The following TM9SF1 variants were observed in gnomAD, a reference collection of about 807,000 sequenced individuals.
TM9SF1 encodes MP70 protein family member.
Under a neutral mutation model 52.4 loss-of-function variants are expected in TM9SF1, and 25 were observed. The observed-to-expected ratio is 0.48, with a 90% CI of 0.35 to 0.67. TM9SF1 has a LOEUF of 0.67. Among genes scored for constraint, TM9SF1 ranks in the 30% least tolerant of loss-of-function variants. The pLI, the probability that TM9SF1 is intolerant of heterozygous loss-of-function variation, is 0.01. For missense variants in TM9SF1, 604 were observed against 780.3 expected (o/e 0.77, Z 2.69); for synonymous variants, 284 against 299.8 (o/e 0.95, Z 0.55).
Position 24,192,142 on chromosome 14 carries a change from A to G in TM9SF1, c.1153+29T>C, listed in dbSNP as rs757643123. 6.8e-5 allele frequency: 109 copies of G among 1,609,596 alleles called. No homozygotes were observed. The highest frequency in any genetic ancestry group is 9.2e-5 in the Non-Finnish European group (108 of 1,176,064). ...GTGTTCTTCATTCCTAAGTCCAGAA[A>G]GGCCCACCAGGGAAAGGAAAGTCCT... On this transcript the variant is annotated intron_variant, in intron 4 of 5. Transcript: ENST00000261789. The surrounding 1 kb of genome is among the most constrained non-coding windows in gnomAD (Gnocchi z 4.0).
Position 24,189,365 on chromosome 14 carries a change from A to T in TM9SF1, c.*50T>A, listed in dbSNP as rs761314872. The T allele has an allele frequency of 6.5e-7, 1 of 1,547,158 alleles. No homozygotes were observed. The highest frequency in any genetic ancestry group is 8.7e-7 in the Non-Finnish European group (1 of 1,145,862). On this transcript the variant is annotated 3_prime_UTR_variant, in exon 6 of 6. Coordinates refer to ENST00000261789, the MANE Select transcript of TM9SF1 (RefSeq NM_006405.7). ...GAAGAGAAGCTGGTAGGAGAGTTCA[A>T]CAGGGCATGAAGAAAGGGAGAGAAC...
At chr14:24,189,908 G>A in intron 5 of TM9SF1, 100 bp from the exon 6 acceptor site, 6 of 1,463,928 alleles carry the variant, frequency 4.1e-6, no homozygotes, top group Non-Finnish European at 5.4e-6. Context: ...ATGTTGCTGG[G>A]TCATTGTGAA....
Position 24,195,338 on chromosome 14 carries a change from G to C in TM9SF1, c.-18+8C>G, listed in dbSNP as rs1004945285. ...GGTCCCTTCCCGCCACAGCCCCGGG[G>C]TCCTCACCGCGCGGGAAGGGCTGGC... On this transcript the variant is annotated splice_region_variant and intron_variant, in intron 1 of 5. Coordinates refer to ENST00000261789, the MANE Select transcript of TM9SF1 (RefSeq NM_006405.7). 6.8e-6 allele frequency: 2 copies of C among 295,548 alleles called. No homozygotes were observed. The highest frequency in any genetic ancestry group is 1.3e-5 in the Non-Finnish European group (2 of 155,698). The allele number at this position is 295,548 out of a possible 1,614,324, so 18.3% of individuals were successfully genotyped here.
rs753724180 is a variant in TM9SF1 at position 24,193,091 on chromosome 14, A to G, written c.524T>C (p.Ile175Thr). The G allele has an allele frequency of 6.2e-7, 1 of 1,614,200 alleles. No individual in the cohort carries two copies. The highest frequency in any genetic ancestry group is 8.5e-7 in the Non-Finnish European group (1 of 1,180,038). ...GTCCCGCACTGAAACATTGGCAAATATAATTCGGTCTCCATGGAATTCTAG... is the reference window on the plus strand; with the variant it reads ...GTCCCGCACTGAAACATTGGCAAATGTAATTCGGTCTCCATGGAATTCTAG... ...FHLEFHGDRIIFANVSVRDVK... is the reference protein window; with the variant it reads ...FHLEFHGDRITFANVSVRDVK... Residue 175 changes from isoleucine (I) to threonine (T), a missense_variant, in exon 3 of 6, where the codon ATA becomes ACA. By Grantham distance (89) the Ile-to-Thr change is moderately conservative (BLOSUM62 -1). This residue lies in a region of TM9SF1 where 450 missense variants were observed against 560.1 expected (regional missense o/e 0.80). Transcript: ENST00000261789.
chr14:24,191,048 G>A (rs566455331), intron 4 of TM9SF1, among the ~76,000 whole-genome samples: 28 of 151,822 alleles, frequency 1.8e-4, no homozygotes, highest in Non-Finnish European at 2.1e-4. Flanking sequence ...TGTATTTTTA[G>A]TAGAGATGGG....
chr14:24,189,913 T>G (rs2039291651), intron 5 of TM9SF1, 105 bp from the exon 6 acceptor site: 1 of 1,457,482 alleles, frequency 6.9e-7, no homozygotes, highest in Non-Finnish European at 9.1e-7. Flanking sequence ...GCTGGGTCAT[T>G]GTGAAAAGTG....
chr14:24,194,622 C>T, intron 2 of TM9SF1, 53 bp downstream of exon 2: 12 of 1,496,842 alleles, frequency 8.0e-6, no homozygotes, highest in Non-Finnish European at 1.1e-5. Context: ...ATGTAAGGCA[C>T]TGTTAGTCTC....
chr14:24,189,517 G>A lies in TM9SF1; in HGVS notation c.1719C>T (p.Ser573=). The change falls in exon 6 of 6, where the codon TCC becomes TCT. Residue 573 remains serine (S), a synonymous_variant. Transcript: ENST00000261789. ...GGAAGAAGACATAACCAGTGAGTAA[G>A]GAGTAGCCGAAGAACTCTACTGTCT... The part of the protein sequence containing the change: ...AVQTVEFFGY[S]LLTGYVFFLM... The A allele has an allele frequency of 6.2e-7, 1 of 1,614,224 alleles. No homozygotes were observed. Among genetic ancestry groups the A allele is most frequent in the Non-Finnish European group, 8.5e-7 (1 of 1,180,044 alleles).
Position 24,192,892 on chromosome 14 carries a change from G to C in TM9SF1, c.723C>G (p.Asn241Lys). 1 of 1,614,162 alleles carries C rather than the reference G, an allele frequency of 6.2e-7. No homozygotes were observed. Among genetic ancestry groups the C allele is most frequent in the Non-Finnish European group, 8.5e-7 (1 of 1,180,020 alleles). ...TLEIHWLSII[N>K]SMVLVFLLVG... ...CCAGTAAAAACACAAGCACCATGGA[G>C]TTGATGATGGACAACCAATGGATTT... Residue 241 changes from asparagine to lysine, a missense_variant, in exon 3 of 6, where the codon AAC (asparagine) becomes AAG (lysine). Around this residue, in one of 3 missense-constraint regions of TM9SF1, gnomAD observed 450 missense variants for 560.1 expected, o/e 0.80. Transcript: ENST00000261789. This position sits in a 1 kb window ranked among gnomAD's most constrained non-coding sequence, Gnocchi z 4.0.
chr14:24,190,852 T>C (rs909758880), intron 4 of TM9SF1, among the ~76,000 whole-genome samples, 199 bp from the exon 5 acceptor site: 1 of 21,584 alleles, frequency 4.6e-5, no homozygotes, highest in Non-Finnish European at 7.7e-5. Flanking sequence ...TTGTTCTGTG[T>C]TTTTTTTTTT....
intron 4 of TM9SF1, among the ~76,000 whole-genome samples, 198 bp from the exon 5 acceptor site, chr14:24,190,851 G>GTTTTT (rs150852398): frequency 4.6e-5 from 3 of 65,452 alleles, no homozygotes; most frequent in African/African-American, 2.3e-4. Context: ...TTTGTTCTGT[G>GTTTTT]TTTTTTTTTT....
chr14:24,194,998 G>C lies in TM9SF1; in HGVS notation c.22C>G (p.Arg8Gly), dbSNP rs770449240. 1.9e-6 allele frequency: 3 copies of C among 1,613,870 alleles called. No homozygotes were observed. Among genetic ancestry groups the C allele is most frequent in the African/African-American group, 2.7e-5 (2 of 74,912 alleles). The change falls in exon 2 of 6, where the codon CGA becomes GGA. Residue 8 changes from arginine to glycine, a missense_variant. Around this residue, in one of 3 missense-constraint regions of TM9SF1, gnomAD observed 47 missense variants for 39.7 expected, o/e 1.18. Coordinates refer to ENST00000261789, the MANE Select transcript of TM9SF1 (RefSeq NM_006405.7). MTVVGNP[R>G]SWSCQWLPIL... ...GGCAACCACTGGCAGCTCCAACTTC[G>C]AGGGTTCCCTACGACTGTCATCCTT... is the stretch of plus-strand genomic sequence containing the variant.
Position 24,189,804 on chromosome 14 carries a change from T to C in TM9SF1, c.1432A>G (p.Ile478Val), listed in dbSNP as rs748076121. 5 of 1,602,624 alleles carry C rather than the reference T, an allele frequency of 3.1e-6. No homozygotes were observed. The African/African-American group carries it at 5.4e-5, about 17-fold the overall frequency. Residue 478 changes from isoleucine (I) to valine (V), a missense_variant, in exon 6 of 6, where the codon ATC becomes GTC. Ile to Val is a conservative substitution (Grantham distance 29). This residue lies in a region of TM9SF1 where 107 missense variants were observed against 180.5 expected (regional missense o/e 0.59). Transcript: ENST00000261789. ...TVGGFLPFSA[I>V]SVELYYIFAT... ...AAGATGTAGTACAGCTCCACAGAGA[T>C]GGCACTGTGAAGAAAAGAGATGATA...
At position 24,190,763 on chromosome 14, in the gene TM9SF1, C is replaced by CT. The variant is rs1278506972; in HGVS notation, c.1154-111dup. ...GAGGGGGCTGAAGCAGCCTGCCACT[C>CT]TAACGGCAGACTCATGCTCCTGGAT... is the stretch of plus-strand genomic sequence containing the variant. On this transcript the variant is annotated intron_variant, in intron 4 of 5. Transcript: ENST00000261789. The CT allele has an allele frequency of 2.3e-5, 22 of 937,630 alleles. No homozygotes were observed. In the East Asian group the frequency reaches 3.5e-4, roughly 15 times the overall value. 58.1% of individuals were successfully genotyped at this position (937,630 alleles called of 1,614,324 possible). A position where few individuals can be genotyped will look rare whatever the true frequency, so the allele number is the denominator to read the frequency against.
chr14:24,192,816 G>T lies in TM9SF1; in HGVS notation c.799C>A (p.Arg267=), dbSNP rs774945508. ...LMRVLRNDLA[R]YNLDEETTSA... is the part of the protein sequence containing the mutation. ...GTGGTCTCCTCATCTAAGTTGTACC[G>T]AGCCAGGTCATTCCGAAGCACACGC... The change falls in exon 3 of 6, where the codon CGG becomes AGG. Residue 267 remains arginine (R), a synonymous_variant. Coordinates refer to ENST00000261789, the MANE Select transcript of TM9SF1 (RefSeq NM_006405.7). This position sits in a 1 kb window ranked among gnomAD's most constrained non-coding sequence, Gnocchi z 4.0. The T allele has an allele frequency of 2.2e-5, 35 of 1,613,834 alleles. No homozygotes were observed. The highest frequency in any genetic ancestry group is 2.9e-5 in the Non-Finnish European group (34 of 1,179,860).
chr14:24,189,834 G>C, intron 5 of TM9SF1, 26 bp from the exon 6 acceptor site: 8 of 1,573,206 alleles, frequency 5.1e-6, no homozygotes, highest in East Asian at 2.3e-5. Flanking sequence ...ATGATACACA[G>C]CATTAAAGGG....
intron 5 of TM9SF1, 151 bp downstream of exon 5, chr14:24,190,229 G>A (rs1414939990): frequency 1.3e-6 from 2 of 1,482,180 alleles, no homozygotes; most frequent in Non-Finnish European, 8.9e-7. Flanking sequence ...GCTCAGTCCT[G>A]CTTGGGGATA....
At chr14:24,191,381 G>C (rs2039320904) in intron 4 of TM9SF1, among the ~76,000 whole-genome samples, 1 of 152,206 alleles carries the variant, frequency 6.6e-6, no homozygotes, top group African/African-American at 2.4e-5. Flanking sequence ...ATAAAAATCA[G>C]ACACACAGAA....
In TM9SF1 at chr14:24,192,500, T is replaced by C. The variant is rs2281704; in HGVS notation, c.968-144A>G. 0.096 allele frequency: 130,897 copies of C among 1,367,276 alleles called. 12,977 individuals carry two copies. The highest frequency in any genetic ancestry group is 0.46 in the East Asian group (19,755 of 42,572). 84.7% of individuals were successfully genotyped at this position (1,367,276 alleles called of 1,614,324 possible). On this transcript the variant is annotated intron_variant, in intron 3 of 5. Coordinates refer to ENST00000261789, the MANE Select transcript of TM9SF1 (RefSeq NM_006405.7). The surrounding 1 kb of genome is among the most constrained non-coding windows in gnomAD (Gnocchi z 4.0). ...GTTTTGCTATCCAGAAAATCTACAA[T>C]AGAATACGTGCATTCTTGCTAGAGC...
Sources: gnomAD v4.1 joint callset for allele counts (sites outside exome capture counted in the v4.1 genomes callset) on GRCh38, gnomAD v4.1.1 for gene constraint, gnomAD v4.1.1 regional missense constraint, Gnocchi (gnomAD v3.1) non-coding constraint, MANE v1.5 for transcripts, NCBI Gene and HGNC (gene_info 2026-07-23, HGNC 2026-07-21) for gene names.